Variants in MED28 observed in about 807,000 individuals in gnomAD.
The protein encoded by MED28 is mediator complex subunit 28, also known as mediator of RNA polymerase II transcription subunit 28.
A neutral mutation model predicts 21.3 loss-of-function variants in MED28; 26 were observed. The ratio of observed to expected loss-of-function variants is 1.22; its 90% CI spans 0.89 to 1.69. The LOEUF is 1.69. Among genes scored for constraint, MED28 ranks in the 40% most tolerant of loss-of-function variants. The pLI is 0.00. For missense variants in MED28, 257 were observed against 215.4 expected (o/e 1.19, Z -1.21); for synonymous variants, 110 against 87.6 (o/e 1.26, Z -1.43).
intron 1 of MED28, among the ~76,000 whole-genome samples, chr4:17,619,434 C>T (rs963588834): frequency 6.6e-6 from 1 of 152,118 alleles, no homozygotes; most frequent in Non-Finnish European, 1.5e-5. Context: ...GATATGATGT[C>T]AGTTAATTAT....
At position 17,631,781 on chromosome 4, in the gene MED28, A is replaced by G. The variant is rs1714951646; in HGVS notation, c.*7983A>G. 5 of 152,094 alleles carry G rather than the reference A, an allele frequency of 3.3e-5. No homozygotes were observed. The highest frequency in any genetic ancestry group is 2.6e-4 in the Admixed American group (4 of 15,264). The allele number at this position is 152,094 out of a possible 1,614,324, so 9.4% of individuals were successfully genotyped here. A position where few individuals can be genotyped will look rare whatever the true frequency, so the allele number is the denominator to read the frequency against. Reference sequence around the variant, plus strand: ...TGTTTTTAGTTGGCTTTCCTGTTTAACTGTTATTTGTCTTCCTATTGAGGT... The same window carrying G: ...TGTTTTTAGTTGGCTTTCCTGTTTAGCTGTTATTTGTCTTCCTATTGAGGT... On this transcript the variant is annotated 3_prime_UTR_variant, in exon 4 of 4. Coordinates refer to ENST00000237380, the MANE Select transcript of MED28 (RefSeq NM_025205.5).
chr4:17,633,843 TC>T lies in MED28; in HGVS notation c.*10046del. 6.4e-7 allele frequency: 1 copy of T among 1,551,442 alleles called. No homozygotes were observed. The highest frequency in any genetic ancestry group is 8.7e-7 in the Non-Finnish European group (1 of 1,146,938). ...AAGTTCTTTGCATAGGAGGCGAGGT[TC>T]GGCACGCTGACCACGCGGCTGGGCA... On this transcript the variant is annotated 3_prime_UTR_variant, in exon 4 of 4. Transcript: ENST00000237380.
chr4:17,618,876 ATC>A (rs1305597034), intron 1 of MED28, among the ~76,000 whole-genome samples: 1 of 152,212 alleles, frequency 6.6e-6, no homozygotes, highest in Non-Finnish European at 1.5e-5. Flanking sequence ...AGAATGGGCA[ATC>A]TGTTTTTCTG....
rs773766213 is a variant in MED28, at chr4:17,632,440, TTTGG to T, written c.*8652_*8655del. 58 of 1,042,296 alleles carry T rather than the reference TTTGG, an allele frequency of 5.6e-5. No homozygotes were observed. Among genetic ancestry groups the T allele is most frequent in the Non-Finnish European group, 7.3e-5 (52 of 713,300 alleles). The allele number at this position is 1,042,296 out of a possible 1,614,324, so 64.6% of individuals were successfully genotyped here. The stretch of plus-strand genomic sequence containing the variant: ...TCATATATAAATCATAAGCATATTA[TTTGG>T]TTGGTTGGTGTTAGTTCATTCCTTC... On this transcript the variant is annotated 3_prime_UTR_variant, in exon 4 of 4. Coordinates refer to ENST00000237380, the MANE Select transcript of MED28 (RefSeq NM_025205.5).
At chr4:17,617,152 A>C (rs1714475318) in intron 1 of MED28, among the ~76,000 whole-genome samples, 1 of 152,174 alleles carries the variant, frequency 6.6e-6, no homozygotes, top group African/African-American at 2.4e-5. Flanking sequence ...GGGGAGTGGG[A>C]GTGGTGCGAG....
In MED28 at chr4:17,624,835, C is replaced by G. The variant is rs987175823; in HGVS notation, c.*1037C>G. The G allele has an allele frequency of 2.0e-5, 3 of 152,054 alleles. No homozygotes were observed. Among genetic ancestry groups the G allele is most frequent in the Non-Finnish European group, 4.4e-5 (3 of 68,018 alleles). 9.4% of individuals were successfully genotyped at this position (152,054 alleles called of 1,614,324 possible). ...CCTGCCTTTGGGAGGGTATTTTGCT[C>G]TCGTTAGTTTTGTGGGCAGCCTCAG... On this transcript the variant is annotated 3_prime_UTR_variant, in exon 4 of 4. Transcript: ENST00000237380.
At chr4:17,623,492 A>G (rs1714690989) in intron 3 of MED28, 109 bp from the exon 4 acceptor site, 3 of 1,044,426 alleles carry the variant, frequency 2.9e-6, no homozygotes, top group East Asian at 5.2e-5. Flanking sequence ...TGGGCTTAAT[A>G]TGGTTTAATG....
In MED28 at chr4:17,633,815, A is replaced by G. The variant is rs1166185776; in HGVS notation, c.*10017A>G. The G allele has an allele frequency of 6.4e-7, 1 of 1,551,636 alleles. No homozygotes were observed. The highest frequency in any genetic ancestry group is 2.0e-5 in the Admixed American group (1 of 50,996). On this transcript the variant is annotated 3_prime_UTR_variant, in exon 4 of 4. Transcript: ENST00000237380. ...AATCCTGGAACTCAGATCGCCACTC[A>G]GAAAGTTCTTTGCATAGGAGGCGAG...
rs766148527 is a variant in MED28, at chr4:17,614,641, G to C, written c.-14G>C. ...CGCGCAGGCGCAGTGGATCTCTCTT[G>C]CGCCATTCCAAACATGGCGGCTCCA... On this transcript the variant is annotated 5_prime_UTR_variant, in exon 1 of 4. Coordinates refer to ENST00000237380, the MANE Select transcript of MED28 (RefSeq NM_025205.5). The C allele has an allele frequency of 1.2e-6, 2 of 1,604,726 alleles. No individual in the cohort carries two copies. The highest frequency in any genetic ancestry group is 4.5e-5 in the East Asian group (2 of 44,750).
chr4:17,621,622 G>A lies in MED28; in HGVS notation c.262G>A (p.Ala88Thr). 1 of 1,609,342 alleles carries A rather than the reference G, an allele frequency of 6.2e-7. No homozygotes were observed. Among genetic ancestry groups the A allele is most frequent in the Non-Finnish European group, 8.5e-7 (1 of 1,178,836 alleles). Residue 88 changes from alanine (A) to threonine (T), a missense_variant, in exon 3 of 4, where the codon GCA (alanine) becomes ACA (threonine). Physicochemically the swap from Ala to Thr is moderately conservative, Grantham distance 58 (BLOSUM62 0). Transcript: ENST00000237380. ...DQCIQKFLDI[A>T]RQTECFFLQK... The stretch of plus-strand genomic sequence containing the variant: ...GTGTATCCAGAAGTTTCTGGATATT[G>A]CAAGACAGACAGAATGTTTTTTCTT...
At chr4:17,622,796 A>C (rs1235732501) in intron 3 of MED28, among the ~76,000 whole-genome samples, 4 of 152,230 alleles carry the variant, frequency 2.6e-5, no homozygotes, top group African/African-American at 7.2e-5. Flanking sequence ...GGGAGGCCTC[A>C]CAATCATGGC....
chr4:17,625,710 T>C lies in MED28; in HGVS notation c.*1912T>C, dbSNP rs1304020677. 1 of 440,976 alleles carries C rather than the reference T, an allele frequency of 2.3e-6. No individual in the cohort carries two copies. The highest frequency in any genetic ancestry group is 1.6e-5 in the South Asian group (1 of 62,022). The allele number at this position is 440,976 out of a possible 1,614,324, so 27.3% of individuals were successfully genotyped here. ...AAGAAACCCTCTGAGCTGCTAACTT[T>C]TTCAGGGAGAAAATCACAAGCCATC... On this transcript the variant is annotated 3_prime_UTR_variant, in exon 4 of 4. Coordinates refer to ENST00000237380, the MANE Select transcript of MED28 (RefSeq NM_025205.5).
In MED28 at chr4:17,615,945, C is replaced by T. The variant is rs145308333; in HGVS notation, c.159+1132C>T. On this transcript the variant is annotated intron_variant, in intron 1 of 3. Coordinates refer to ENST00000237380, the MANE Select transcript of MED28 (RefSeq NM_025205.5). ...CTGCATGGACAAAATGCTTTTACCA[C>T]ACGGATGTACAAAGATTTAGAAATA... 3.0e-3 allele frequency among the ~76,000 whole-genome samples: 463 copies of T among 152,294 alleles called. 9 individuals carry two copies. The highest frequency in any genetic ancestry group is 0.01 in the African/African-American group (436 of 41,564).
chr4:17,629,692 A>C lies in MED28; in HGVS notation c.*5894A>C, dbSNP rs1443809386. ...AATTGGATAATTTCTCTTCATCTTC[A>C]CTGTCACCTCTACGCCATCACTGTC... On this transcript the variant is annotated 3_prime_UTR_variant, in exon 4 of 4. Coordinates refer to ENST00000237380, the MANE Select transcript of MED28 (RefSeq NM_025205.5). 1 of 152,046 alleles carries C rather than the reference A, an allele frequency of 6.6e-6. No individual in the cohort carries two copies. 9.4% of individuals were successfully genotyped at this position (152,046 alleles called of 1,614,324 possible).
intron 1 of MED28, among the ~76,000 whole-genome samples, chr4:17,618,361 C>T (rs756540750): frequency 6.6e-6 from 1 of 152,044 alleles, no homozygotes; most frequent in African/African-American, 2.4e-5. Context: ...GATGAGATTT[C>T]CTGCCACCCT....
At chr4:17,619,880 T>C (rs751219875) in intron 1 of MED28, 21 bp from the exon 2 acceptor site, 2 of 1,609,380 alleles carry the variant, frequency 1.2e-6, no homozygotes, top group Admixed American at 1.7e-5. Context: ...TTTTTTTCTT[T>C]CCTATGTTTT....
intron 2 of MED28, 123 bp downstream of exon 2, chr4:17,620,090 G>GT: frequency 2.3e-6 from 2 of 857,082 alleles, no homozygotes; most frequent in Non-Finnish European, 3.9e-6. Flanking sequence ...GGACTAAAAT[G>GT]TGTGCACATA....
Position 17,623,922 on chromosome 4 carries a change from T to C in MED28, c.*124T>C, listed in dbSNP as rs1714706289. On this transcript the variant is annotated 3_prime_UTR_variant, in exon 4 of 4. Coordinates refer to ENST00000237380, the MANE Select transcript of MED28 (RefSeq NM_025205.5). ...AGATAATGAGTTCATTTTAGTTTTA[T>C]GCTCCCATTGAAAAATTTTCCACTA... 2 of 1,090,872 alleles carry C rather than the reference T, an allele frequency of 1.8e-6. No homozygotes were observed. Among genetic ancestry groups the C allele is most frequent in the Non-Finnish European group, 2.6e-6 (2 of 766,986 alleles). The allele number at this position is 1,090,872 out of a possible 1,614,324, so 67.6% of individuals were successfully genotyped here. A position where few individuals can be genotyped will look rare whatever the true frequency, so the allele number is the denominator to read the frequency against.
chr4:17,625,769 C>G lies in MED28; in HGVS notation c.*1971C>G. ...TTCCCCTAGAAACCTGTGGAATGCC[C>G]TCTGCCAAGCACTGCTCTGGTACTG... On this transcript the variant is annotated 3_prime_UTR_variant, in exon 4 of 4. Transcript: ENST00000237380. 1 of 414,776 alleles carries G rather than the reference C, an allele frequency of 2.4e-6. No homozygotes were observed. The highest frequency in any genetic ancestry group is 4.7e-6 in the Non-Finnish European group (1 of 211,780). 25.7% of individuals were successfully genotyped at this position (414,776 alleles called of 1,614,324 possible). A position where few individuals can be genotyped will look rare whatever the true frequency, so the allele number is the denominator to read the frequency against.
Sources: gnomAD v4.1 joint callset for allele counts (sites outside exome capture counted in the v4.1 genomes callset) on GRCh38, gnomAD v4.1.1 for gene constraint, MANE v1.5 for transcripts, NCBI Gene and HGNC (gene_info 2026-07-23, HGNC 2026-07-21) for gene names.